The following DCHS2 variants were observed in gnomAD, a reference collection of about 807,000 sequenced individuals.
The protein encoded by DCHS2 is protocadherin-23.
DCHS2 carries 142 observed loss-of-function variants against 182.4 expected under a neutral mutation model. The ratio of observed to expected loss-of-function variants is 0.78; its 90% CI spans 0.68 to 0.89. The LOEUF (loss-of-function observed/expected upper bound fraction) is 0.89, where lower values mean the gene tolerates loss of function less well. DCHS2 is among the 40% of genes least tolerant of loss of function. The pLI is 0.00. For missense variants in DCHS2, 4,319 were observed against 4,198.6 expected (o/e 1.03, Z -0.79); for synonymous variants, 1,740 against 1,663.3 (o/e 1.05, Z -1.12).
intron 1 of DCHS2, among the ~76,000 whole-genome samples, chr4:154,459,763 TCTCTCTCTCTCTCTC>T (rs1560772290): frequency 4.6e-5 from 7 of 151,662 alleles, no homozygotes; most frequent in African/African-American, 1.7e-4. Context: ...TCTCTCTCTC[TCTCTCTCTCTCTCTC>T]TCTCTATGTC....
intron 13 of DCHS2, among the ~76,000 whole-genome samples, chr4:154,286,325 T>G (rs1734396629): frequency 6.6e-6 from 1 of 152,074 alleles, no homozygotes; most frequent in South Asian, 2.1e-4. Flanking sequence ...ATCAGTACCA[T>G]CCAGGAAAAC....
At chr4:154,296,987 T>C (rs1229723685) in intron 13 of DCHS2, among the ~76,000 whole-genome samples, 1 of 152,174 alleles carries the variant, frequency 6.6e-6, no homozygotes, top group South Asian at 2.1e-4. Flanking sequence ...ACCACTAGAA[T>C]TTGGGAATTT....
intron 13 of DCHS2, among the ~76,000 whole-genome samples, chr4:154,287,079 CT>C (rs970325809): frequency 7.7e-4 from 117 of 152,220 alleles, no homozygotes; most frequent in Middle Eastern, 3.4e-3. Flanking sequence ...AAGAAATAAG[CT>C]TTTATCCTAG....
chr4:154,312,516 T>C (rs900302290), intron 10 of DCHS2, among the ~76,000 whole-genome samples: 15 of 152,128 alleles, frequency 9.9e-5, no homozygotes, highest in African/African-American at 3.4e-4. Context: ...GCCACTGCCC[T>C]CCAGCCTGGG....
At chr4:154,393,468 C>T (rs1731795218) in intron 1 of DCHS2, among the ~76,000 whole-genome samples, 2 of 152,144 alleles carry the variant, frequency 1.3e-5, no homozygotes. Flanking sequence ...AAAAGATCCT[C>T]TTTATGTAAT....
intron 1 of DCHS2, among the ~76,000 whole-genome samples, chr4:154,433,477 C>A (rs1733649106): frequency 7.0e-6 from 1 of 141,858 alleles, no homozygotes; most frequent in Non-Finnish European, 1.5e-5. Context: ...TCACTGCAAC[C>A]TCTGCTTCCC....
At chr4:154,293,714 C>A (rs1734777451) in intron 13 of DCHS2, among the ~76,000 whole-genome samples, 1 of 152,320 alleles carries the variant, frequency 6.6e-6, no homozygotes, top group Non-Finnish European at 1.5e-5. Context: ...ACACTCCACA[C>A]AGCTTCCAAA....
intron 1 of DCHS2, chr4:154,384,616 G>T: frequency 7.2e-7 from 1 of 1,389,904 alleles, no homozygotes; most frequent in South Asian, 1.4e-5. Context: ...TTTGAGAGGA[G>T]AATCTTATCC....
At position 154,366,353 on chromosome 4, in the gene DCHS2, G is replaced by A. The variant is rs148693426; in HGVS notation, c.2333C>T (p.Thr778Met). Reference protein sequence around the residue: ...HPVFNPSTYVTSISDETQPGT... With the variant: ...HPVFNPSTYVMSISDETQPGT... Reference sequence around the variant, plus strand: ...TGGCTGGGTCTCATCACTGATGCTCGTCACATAGGTTGATGGGTTAAACAC... The same window carrying A: ...TGGCTGGGTCTCATCACTGATGCTCATCACATAGGTTGATGGGTTAAACAC... The change falls in exon 3 of 20, where the codon ACG (threonine) becomes ATG (methionine). Residue 778 changes from threonine (T) to methionine (M), a missense_variant. Transcript: ENST00000357232. 3.8e-5 allele frequency: 62 copies of A among 1,613,828 alleles called. No homozygotes were observed. Among genetic ancestry groups the A allele is most frequent in the East Asian group, 6.7e-5 (3 of 44,860 alleles).
chr4:154,420,480 G>T (rs1733067177), intron 1 of DCHS2, among the ~76,000 whole-genome samples: 1 of 152,070 alleles, frequency 6.6e-6, no homozygotes, highest in Non-Finnish European at 1.5e-5. Context: ...AGAAGACAAT[G>T]ATGTAACTCT....
At chr4:154,316,473 T>C (rs774904821) in intron 9 of DCHS2, among the ~76,000 whole-genome samples, 1 of 152,166 alleles carries the variant, frequency 6.6e-6, no homozygotes, top group Non-Finnish European at 1.5e-5. Flanking sequence ...TTTTTAACAA[T>C]AAAGAGCAGG....
At chr4:154,457,617 G>A (rs1734823943) in intron 1 of DCHS2, among the ~76,000 whole-genome samples, 1 of 152,180 alleles carries the variant, frequency 6.6e-6, no homozygotes, top group Admixed American at 6.5e-5. Context: ...CAGCAGTAGT[G>A]TTGACGATTT....
At chr4:154,280,455 A>C (rs1190852411) in intron 13 of DCHS2, among the ~76,000 whole-genome samples, 1 of 152,172 alleles carries the variant, frequency 6.6e-6, no homozygotes, top group Admixed American at 6.5e-5. Flanking sequence ...CCTGATAAAT[A>C]TATATGCAAA....
chr4:154,285,310 G>A (rs1239837363), intron 13 of DCHS2, among the ~76,000 whole-genome samples: 2 of 152,060 alleles, frequency 1.3e-5, no homozygotes, highest in African/African-American at 2.4e-5. Context: ...CCCAGATGTG[G>A]TGGCTATGGG....
At chr4:154,381,893 C>A (rs1161937959) in intron 1 of DCHS2, among the ~76,000 whole-genome samples, 1 of 152,122 alleles carries the variant, frequency 6.6e-6, no homozygotes, top group Non-Finnish European at 1.5e-5. Flanking sequence ...CCATTCCTAT[C>A]AAACTACCAA....
intron 13 of DCHS2, among the ~76,000 whole-genome samples, chr4:154,294,578 A>C (rs1734837817): frequency 6.6e-6 from 1 of 152,234 alleles, no homozygotes; most frequent in African/African-American, 2.4e-5. Flanking sequence ...AATAGGTGGA[A>C]GGTCTTATCT....
rs561775562 is a variant in DCHS2 at position 154,314,618 on chromosome 4, T to A, written c.5260+1130A>T. ...ATATTTTATAATTTACTTTAAAATT[T>A]CAAGTAAATGTATCTTTTGCCCCTT... On this transcript the variant is annotated intron_variant, in intron 10 of 19. Transcript: ENST00000357232. 5.6e-4 allele frequency among the ~76,000 whole-genome samples: 85 copies of A among 152,320 alleles called. 1 individual carries two copies. The highest frequency in any genetic ancestry group is 3.7e-3 in the Admixed American group (57 of 15,294).
intron 10 of DCHS2, among the ~76,000 whole-genome samples, chr4:154,308,555 G>C (rs1034276596): frequency 2.0e-5 from 3 of 152,260 alleles, no homozygotes; most frequent in Admixed American, 6.5e-5. Flanking sequence ...TACTGGAAAG[G>C]CACCACTGAA....
intron 18 of DCHS2, among the ~76,000 whole-genome samples, chr4:154,239,711 G>A (rs191265999): frequency 3.3e-5 from 5 of 152,074 alleles, no homozygotes; most frequent in Admixed American, 2.0e-4. Flanking sequence ...GTTTCACCAC[G>A]TTGGCCAGGC....
Sources: gnomAD v4.1 joint callset for allele counts (sites outside exome capture counted in the v4.1 genomes callset) on GRCh38, gnomAD v4.1.1 for gene constraint, MANE v1.5 for transcripts, NCBI Gene and HGNC (gene_info 2026-07-23, HGNC 2026-07-21) for gene names.